USP6: variants seen among roughly 807,000 people sequenced by gnomAD.
USP6 encodes ubiquitin specific peptidase 6.
In USP6, 128 loss-of-function variants were observed where a neutral mutation model predicts 175.7. The observed-to-expected ratio is 0.73, with a 90% CI of 0.63 to 0.84. The LOEUF is 0.84. Among genes scored for constraint, USP6 ranks in the 40% least tolerant of loss-of-function variants. The probability of loss-of-function intolerance (pLI) is 0.00; values close to 1 mark genes in which losing one functional copy is unlikely to be tolerated. For missense variants in USP6, 1,498 were observed against 1,760.3 expected (o/e 0.85, Z 2.67); for synonymous variants, 562 against 630.6 (o/e 0.89, Z 1.63).
At chr17:5,123,058 C>G (rs896625010) in intron 4 of USP6, 1 of 153,254 alleles carries the variant, frequency 6.5e-6, no homozygotes, top group African/African-American at 2.4e-5. Context: ...TGGACCTGGG[C>G]TGGATCCTTA....
intron 4 of USP6, among the ~76,000 whole-genome samples, chr17:5,123,573 C>T (rs917870158): frequency 2.0e-4 from 31 of 152,152 alleles, no homozygotes; most frequent in Admixed American, 2.6e-4. Flanking sequence ...CGCACTCACA[C>T]CGGGGGGGCA....
At chr17:5,168,435 G>A (rs369179546) in intron 34 of USP6, among the ~76,000 whole-genome samples, 4 of 152,356 alleles carry the variant, frequency 2.6e-5, no homozygotes, top group East Asian at 3.9e-4. Context: ...AGGAGAGGGT[G>A]AACTTCTGGC....
Position 5,170,711 on chromosome 17 carries a change from G to A in USP6, c.3750G>A (p.Gly1250=), listed in dbSNP as rs2074197102. 1 of 1,613,962 alleles carries A rather than the reference G, an allele frequency of 6.2e-7. No homozygotes were observed. Among genetic ancestry groups the A allele is most frequent in the Non-Finnish European group, 8.5e-7 (1 of 1,179,862 alleles). ...ADALSRGHMR[G]GSQPELVTPQ... ...CCTTGAGCCGAGGGCATATGCGGGG[G>A]GGCAGCCAACCAGAGCTGGTCACTC... Residue 1250 remains glycine, a synonymous_variant, in exon 36 of 38, where the codon GGG becomes GGA. Transcript: ENST00000574788.
At chr17:5,143,062 G>A (rs1334791239) in intron 25 of USP6, among the ~76,000 whole-genome samples, 3 of 152,156 alleles carry the variant, frequency 2.0e-5, no homozygotes, top group Admixed American at 6.5e-5. Flanking sequence ...CCAGCCAGCC[G>A]CCCCATCCGG....
At chr17:5,166,388 C>T (rs2074096690) in intron 33 of USP6, among the ~76,000 whole-genome samples, 1 of 152,164 alleles carries the variant, frequency 6.6e-6, no homozygotes, top group African/African-American at 2.4e-5. Context: ...TCGTGACTCT[C>T]ATGTAGGGAA....
intron 24 of USP6, 62 bp from the exon 25 acceptor site, chr17:5,142,335 T>TTG (rs5819014): frequency 0.77 from 1,217,441 of 1,585,084 alleles, 478,972 homozygotes; most frequent in Non-Finnish European, 0.81. Context: ...CTAGGCATCT[T>TTG]TGCCCACATG....
rs926224065 is a variant in USP6 at position 5,124,342 on chromosome 17, G to T, written c.-1298-224G>T. Among the ~76,000 whole-genome samples the T allele has an allele frequency of 2.0e-5, 3 of 152,156 alleles. No homozygotes were observed. In the East Asian group the frequency reaches 5.8e-4, roughly 30 times the overall value. On this transcript the variant is annotated intron_variant, in intron 4 of 37. Transcript: ENST00000574788. The stretch of plus-strand genomic sequence containing the variant: ...CCCAGTCCAGGCTTCCCACATAATC[G>T]GGTCACTAAACAAATCCCAGAGGGC...
At chr17:5,142,819 A>G (rs1190466701) in intron 25 of USP6, among the ~76,000 whole-genome samples, 1 of 152,236 alleles carries the variant, frequency 6.6e-6, no homozygotes, top group Admixed American at 6.5e-5. Context: ...TCTAACTGCA[A>G]GGTGGACCTC....
At chr17:5,153,107 T>C (rs2073809705) in intron 30 of USP6, among the ~76,000 whole-genome samples, 1 of 152,200 alleles carries the variant, frequency 6.6e-6, no homozygotes. Flanking sequence ...GATATAAAAC[T>C]GTAAAGGAAA....
At position 5,130,031 on chromosome 17, in the gene USP6, T is replaced by G; in HGVS notation, c.-60T>G. 1 of 340,842 alleles carries G rather than the reference T, an allele frequency of 2.9e-6. No homozygotes were observed. The highest frequency in any genetic ancestry group is 5.7e-6 in the Non-Finnish European group (1 of 176,952). 21.1% of individuals were successfully genotyped at this position (340,842 alleles called of 1,614,324 possible). On this transcript the variant is annotated 5_prime_UTR_variant, in exon 9 of 38. Transcript: ENST00000574788. Reference sequence around the variant, plus strand: ...GCAGTTCACATCCACATCCCTGGAATAGACCATCACAGGCTCTTCACCCTT... The same window carrying G: ...GCAGTTCACATCCACATCCCTGGAAGAGACCATCACAGGCTCTTCACCCTT...
rs1358675046 is a variant in USP6 at position 5,129,141 on chromosome 17, G to C, written c.-156+8G>C. The C allele has an allele frequency of 6.6e-6, 1 of 152,410 alleles. No homozygotes were observed. Among genetic ancestry groups the C allele is most frequent in the Non-Finnish European group, 1.5e-5 (1 of 68,068 alleles). The allele number at this position is 152,410 out of a possible 1,614,324, so 9.4% of individuals were successfully genotyped here. ...AATGTACCCATTCGACAGGTGAGCCGTCTGGGGTCAGAGAGGCAGTAACTG... is the reference window on the plus strand; with the variant it reads ...AATGTACCCATTCGACAGGTGAGCCCTCTGGGGTCAGAGAGGCAGTAACTG... On this transcript the variant is annotated splice_region_variant and intron_variant, in intron 8 of 37. Transcript: ENST00000574788.
chr17:5,158,614 GGAGAGAGAGAGAGAGA>G (rs71151843), intron 31 of USP6, among the ~76,000 whole-genome samples: 165 of 26,346 alleles, frequency 6.3e-3, no homozygotes, highest in South Asian at 0.025. Flanking sequence ...AGGGAGAGGG[GGAGAGAGAGAGAGAGA>G]GAGAGAGAGA....
rs2074191188 is a variant in USP6, at chr17:5,170,538, C to T, written c.3577C>T (p.Pro1193Ser). Residue 1193 changes from proline to serine, a missense_variant, in exon 36 of 38, where the codon CCT becomes TCT. By Grantham distance (74) the Pro-to-Ser change is moderately conservative. Coordinates refer to ENST00000574788, the MANE Select transcript of USP6 (RefSeq NM_001304284.2). ...CTGTCCCTCCAGCAAAAACAGCAGC[C>T]CTAATAGCAGCCCACGGACTTTGGG... ...TSCPSSKNSS[P>S]NSSPRTLGRS... The T allele has an allele frequency of 6.2e-7, 1 of 1,611,822 alleles. No homozygotes were observed. The highest frequency in any genetic ancestry group is 1.3e-5 in the African/African-American group (1 of 74,970).
chr17:5,130,141 C>T, intron 9 of USP6, 52 bp downstream of exon 9: 2 of 555,810 alleles, frequency 3.6e-6, no homozygotes, highest in Non-Finnish European at 3.2e-6. Flanking sequence ...CTGTCCAGGT[C>T]CCACTCTTCT....
At position 5,147,169 on chromosome 17, in the gene USP6, T is replaced by G. The variant is rs1238546282; in HGVS notation, c.2406T>G (p.Ile802Met). The change falls in exon 29 of 38, where the codon ATT becomes ATG. Residue 802 changes from isoleucine (I) to methionine (M), a missense_variant. Physicochemically the swap from Ile to Met is conservative, Grantham distance 10. Around this residue, in one of 2 missense-constraint regions of USP6, gnomAD observed 1,217 missense variants for 1,500.8 expected, o/e 0.81. Transcript: ENST00000574788. ...AAATTCCTGTCCCTTCATCTCCAAT[T>G]TCAGCTTCTAGTCCAACACAAATAG... ...AFEIPVPSSP[I>M]SASSPTQIDF... 6.2e-7 allele frequency: 1 copy of G among 1,613,564 alleles called. No homozygotes were observed. Among genetic ancestry groups the G allele is most frequent in the Non-Finnish European group, 8.5e-7 (1 of 1,179,746 alleles).
Position 5,133,944 on chromosome 17 carries a change from G to T in USP6, c.442G>T (p.Val148Leu). Residue 148 changes from valine to leucine, a missense_variant, in exon 15 of 38, where the codon GTG becomes TTG. Transcript: ENST00000574788. The stretch of plus-strand genomic sequence containing the variant: ...ACACATCCACCACATCGACCTGGAC[G>T]TGAGGACGACTCTCCGGAACCATGT... ...SEHIHHIDLD[V>L]RTTLRNHVFF... The T allele has an allele frequency of 1.2e-6, 2 of 1,614,136 alleles. No individual in the cohort carries two copies. Among genetic ancestry groups the T allele is most frequent in the South Asian group, 1.1e-5 (1 of 91,084 alleles).
intron 5 of USP6, 37 bp downstream of exon 5, chr17:5,125,309 AAAT>A (rs1054374940): frequency 1.3e-5 from 2 of 152,718 alleles, no homozygotes; most frequent in African/African-American, 4.8e-5. Context: ...TATTACAGTA[AAAT>A]AATAATAGAA....
chr17:5,133,124 C>A lies in USP6; in HGVS notation c.276+134C>A. ...CTGTCCTCGCCCAGAGGACTGCAGG[C>A]CTGGTCACCAGATTGCCTGCCTATT... On this transcript the variant is annotated intron_variant, in intron 13 of 37. Transcript: ENST00000574788. 5.5e-6 allele frequency: 6 copies of A among 1,092,840 alleles called. No individual in the cohort carries two copies. In the South Asian group the frequency reaches 9.0e-5, roughly 16 times the overall value. The allele number at this position is 1,092,840 out of a possible 1,614,324, so 67.7% of individuals were successfully genotyped here. A position where few individuals can be genotyped will look rare whatever the true frequency, so the allele number is the denominator to read the frequency against.
At chr17:5,136,317 G>A (rs964482297) in intron 17 of USP6, among the ~76,000 whole-genome samples, 11 of 152,184 alleles carry the variant, frequency 7.2e-5, no homozygotes, top group East Asian at 1.9e-4. Flanking sequence ...TCACCATCCC[G>A]TGTCCCCTGG....
Sources: gnomAD v4.1 joint callset for allele counts (sites outside exome capture counted in the v4.1 genomes callset) on GRCh38, gnomAD v4.1.1 for gene constraint, gnomAD v4.1.1 regional missense constraint, MANE v1.5 for transcripts, NCBI Gene and HGNC (gene_info 2026-07-23, HGNC 2026-07-21) for gene names.